Variants in CAMTA1 observed in about 807,000 individuals in gnomAD.
The protein encoded by CAMTA1 is calmodulin binding transcription activator 1, also known as calmodulin-binding transcription activator 1.
CAMTA1 carries 27 observed loss-of-function variants against 170.9 expected under a neutral mutation model. The ratio of observed to expected loss-of-function variants is 0.16; its 90% CI spans 0.12 to 0.22. The LOEUF is 0.22. Ranked by LOEUF, CAMTA1 falls within the 10% of genes least tolerant of loss-of-function variation. The probability of loss-of-function intolerance (pLI) is 1.00; values close to 1 mark genes in which losing one functional copy is unlikely to be tolerated. For synonymous variants in CAMTA1, 833 were observed against 891.5 expected, an observed-to-expected ratio of 0.93 and a Z score of 1.17; for missense variants, 1,619 against 2,217.2, an observed-to-expected ratio of 0.73 and a Z score of 5.42.
At chr1:7,579,552 C>CTTTCTTTCTTTTTTTTTTTTTTTTTTTTT (rs1436192966) in intron 6 of CAMTA1, among the ~76,000 whole-genome samples, 2 of 79,192 alleles carry the variant, frequency 2.5e-5, no homozygotes, top group African/African-American at 1.2e-4. Flanking sequence ...CTTTTCTTTT[C>CTTTCTTTCTTTTTTTTTTTTTTTTTTTTT]TTTTTTTTTT....
At chr1:6,986,128 T>C (rs1168162091) in intron 3 of CAMTA1, among the ~76,000 whole-genome samples, 1 of 152,176 alleles carries the variant, frequency 6.6e-6, no homozygotes, top group Non-Finnish European at 1.5e-5. Context: ...CAGGTGGGTA[T>C]CAGAGGACGG....
intron 3 of CAMTA1, among the ~76,000 whole-genome samples, chr1:7,008,043 G>A (rs993789461): frequency 2.0e-5 from 3 of 152,190 alleles, no homozygotes; most frequent in African/African-American, 7.2e-5. Flanking sequence ...CCCAGCCTGC[G>A]TGTTTCTCTG....
intron 5 of CAMTA1, among the ~76,000 whole-genome samples, chr1:7,326,521 T>A (rs1009784730): frequency 7.2e-5 from 11 of 152,194 alleles, no homozygotes; most frequent in Non-Finnish European, 1.6e-4. Context: ...AAATCCAGTA[T>A]GACTGGTATC....
intron 3 of CAMTA1, among the ~76,000 whole-genome samples, chr1:6,872,220 T>TA (rs1239038410): frequency 6.7e-6 from 1 of 148,434 alleles, no homozygotes; most frequent in Non-Finnish European, 1.5e-5. Context: ...TTATCACACA[T>TA]ACACCCTCAC....
chr1:6,810,741 T>G (rs747450532), intron 1 of CAMTA1, among the ~76,000 whole-genome samples: 3 of 152,074 alleles, frequency 2.0e-5, no homozygotes, highest in Non-Finnish European at 4.4e-5. Context: ...GAGGCGGAGC[T>G]TGCAGTGAGC....
rs1026295533 is a variant in CAMTA1, at chr1:7,673,003, T to A, written c.2779+1966T>A. On this transcript the variant is annotated intron_variant, in intron 10 of 22. Coordinates refer to ENST00000303635, the MANE Select transcript of CAMTA1 (RefSeq NM_015215.4). The surrounding 1 kb of genome is among the most constrained non-coding windows in gnomAD (Gnocchi z 4.6). ...GTCTGCCTATCACAGCTCAGGGCTGTGTGCAGCTGATGGGACCCCGGCCCG... is the reference window on the plus strand; with the variant it reads ...GTCTGCCTATCACAGCTCAGGGCTGAGTGCAGCTGATGGGACCCCGGCCCG... Among the ~76,000 whole-genome samples the A allele has an allele frequency of 6.6e-6, 1 of 152,144 alleles. No homozygotes were observed. The highest frequency in any genetic ancestry group is 1.5e-5 in the Non-Finnish European group (1 of 68,020).
At chr1:7,764,111 G>C (rs1347048827) in intron 22 of CAMTA1, among the ~76,000 whole-genome samples, 3 of 152,018 alleles carry the variant, frequency 2.0e-5, no homozygotes, top group African/African-American at 7.3e-5. Flanking sequence ...TTTTTAAAAA[G>C]CCATTTATTT....
intron 11 of CAMTA1, among the ~76,000 whole-genome samples, chr1:7,712,495 A>AT (rs1258153232): frequency 7.9e-5 from 12 of 151,976 alleles, no homozygotes; most frequent in Non-Finnish European, 1.0e-4. Flanking sequence ...TAGTTTTTGG[A>AT]TTTTTTGTAG....
At chr1:6,831,210 TTGAGCATTAAGCC>T (rs1443831673) in intron 3 of CAMTA1, among the ~76,000 whole-genome samples, 2 of 152,192 alleles carry the variant, frequency 1.3e-5, no homozygotes, top group Non-Finnish European at 2.9e-5. Context: ...TGTGTGTAAC[TTGAGCATTAAGCC>T]TGACTTTTAT....
chr1:6,864,210 G>A (rs1209256285), intron 3 of CAMTA1, among the ~76,000 whole-genome samples: 1 of 152,088 alleles, frequency 6.6e-6, no homozygotes, highest in Non-Finnish European at 1.5e-5. Context: ...CTTTTTATCT[G>A]TTTTGAATCC....
Position 7,146,259 on chromosome 1 carries a change from G to A in CAMTA1, c.302+54888G>A, listed in dbSNP as rs1213618277. Among the ~76,000 whole-genome samples, 1 of 152,116 alleles carries A rather than the reference G, an allele frequency of 6.6e-6. No individual in the cohort carries two copies. Among genetic ancestry groups the A allele is most frequent in the African/African-American group, 2.4e-5 (1 of 41,438 alleles). On this transcript the variant is annotated intron_variant, in intron 4 of 22. Coordinates refer to ENST00000303635, the MANE Select transcript of CAMTA1 (RefSeq NM_015215.4). This position sits in a 1 kb window ranked among gnomAD's most constrained non-coding sequence, Gnocchi z 4.3. Reference sequence around the variant, plus strand: ...GAGCTTGGCAGCCCCTGAACCCGGTGCCTGCTCATGAGCCAGTCTCCCTCT... The same window carrying A: ...GAGCTTGGCAGCCCCTGAACCCGGTACCTGCTCATGAGCCAGTCTCCCTCT...
chr1:7,497,523 A>C (rs1199580264), intron 6 of CAMTA1, among the ~76,000 whole-genome samples: 2 of 152,222 alleles, frequency 1.3e-5, no homozygotes, highest in Non-Finnish European at 2.9e-5. Flanking sequence ...ACGGTGCCAC[A>C]ACCACAAATC....
chr1:7,265,026 G>A (rs911624156), intron 5 of CAMTA1, among the ~76,000 whole-genome samples: 12 of 152,200 alleles, frequency 7.9e-5, no homozygotes, highest in Non-Finnish European at 2.9e-5. Flanking sequence ...GGGTGGGGAG[G>A]GAGCCTCAGG....
intron 3 of CAMTA1, among the ~76,000 whole-genome samples, chr1:6,942,152 C>A (rs1686761421): frequency 1.3e-5 from 2 of 151,824 alleles, no homozygotes; most frequent in Admixed American, 6.6e-5. Context: ...GCATTTACAC[C>A]CTGCTTCATA....
chr1:7,563,309 G>A (rs746239884), intron 6 of CAMTA1, among the ~76,000 whole-genome samples: 55 of 152,196 alleles, frequency 3.6e-4, no homozygotes, highest in Admixed American at 9.8e-4. Flanking sequence ...AACTCCTTAC[G>A]GAGAGGCAGG....
chr1:7,490,727 C>T (rs1399924967), intron 6 of CAMTA1, among the ~76,000 whole-genome samples: 5 of 152,134 alleles, frequency 3.3e-5, no homozygotes, highest in Admixed American at 3.3e-4. Flanking sequence ...CACCCAGCCA[C>T]CGTGCGTTAC....
intron 6 of CAMTA1, among the ~76,000 whole-genome samples, chr1:7,548,413 C>A (rs1423459658): frequency 6.6e-6 from 1 of 151,394 alleles, no homozygotes; most frequent in African/African-American, 2.4e-5. Flanking sequence ...GGTGGAGGTG[C>A]CCGTGCAGGG....
chr1:7,304,114 G>A (rs916877895), intron 5 of CAMTA1, among the ~76,000 whole-genome samples: 3 of 152,170 alleles, frequency 2.0e-5, no homozygotes, highest in African/African-American at 7.2e-5. Flanking sequence ...TTCTGTTTGG[G>A]ATGATGAAAA....
Position 7,482,254 on chromosome 1 carries a change from C to T in CAMTA1, c.510+14353C>T, listed in dbSNP as rs2149636307. Among the ~76,000 whole-genome samples, 1 of 152,312 alleles carries T rather than the reference C, an allele frequency of 6.6e-6. No individual in the cohort carries two copies. Among genetic ancestry groups the T allele is most frequent in the South Asian group, 2.1e-4 (1 of 4,826 alleles). The stretch of plus-strand genomic sequence containing the variant: ...GCATGATCTGTTTTGTTCACTGCTA[C>T]ATTTGGAGTGCCTGGAGCCATGCCT... On this transcript the variant is annotated intron_variant, in intron 6 of 22. Transcript: ENST00000303635. The surrounding 1 kb of genome is among the most constrained non-coding windows in gnomAD (Gnocchi z 4.2).
Sources: allele counts gnomAD v4.1 joint callset (sites outside exome capture counted in the v4.1 genomes callset), GRCh38; gene constraint gnomAD v4.1.1; non-coding constraint Gnocchi (gnomAD v3.1); transcripts MANE v1.5; gene names NCBI Gene and HGNC (gene_info 2026-07-23, HGNC 2026-07-21).